Variants in ST6GALNAC5 observed in about 807,000 individuals in gnomAD.
The protein encoded by ST6GALNAC5 is ST6 N-acetylgalactosaminide alpha-2,6-sialyltransferase 5.
ST6GALNAC5 carries 27 observed loss-of-function variants against 33.6 expected under a neutral mutation model. The ratio of observed to expected loss-of-function variants is 0.80; its 90% confidence interval spans 0.59 to 1.11. The LOEUF (loss-of-function observed/expected upper bound fraction) is 1.11. Ranked by LOEUF, ST6GALNAC5 falls within the 50% of genes least tolerant of loss-of-function variation. The pLI is 0.00. For missense variants in ST6GALNAC5, 428 were observed against 454.0 expected (o/e 0.94, Z 0.52); for synonymous variants, 194 against 171.2 (o/e 1.13, Z -1.04).
intron 2 of ST6GALNAC5, among the ~76,000 whole-genome samples, chr1:76,908,132 C>G (rs558495866): frequency 6.6e-6 from 1 of 152,186 alleles, no homozygotes; most frequent in South Asian, 2.1e-4. Context: ...CTCTCAGGTT[C>G]TTATTTTTGT....
At chr1:76,959,983 TAGA>T (rs1353154170) in intron 2 of ST6GALNAC5, among the ~76,000 whole-genome samples, 2 of 152,094 alleles carry the variant, frequency 1.3e-5, no homozygotes, top group African/African-American at 2.4e-5. Flanking sequence ...CGGGAGTGGG[TAGA>T]AGAAGTATTA....
chr1:76,933,242 A>G (rs1647162629), intron 2 of ST6GALNAC5, among the ~76,000 whole-genome samples: 2 of 152,020 alleles, frequency 1.3e-5, no homozygotes, highest in Admixed American at 6.6e-5. Flanking sequence ...TAGTTACTAC[A>G]AAGGTCGACA....
intron 2 of ST6GALNAC5, among the ~76,000 whole-genome samples, chr1:76,957,697 G>A (rs1354119567): frequency 7.0e-6 from 1 of 142,574 alleles, no homozygotes; most frequent in African/African-American, 2.6e-5. Flanking sequence ...TCAGCTGCTG[G>A]TATCTATTAG....
At chr1:77,038,468 C>T (rs1557770379) in intron 2 of ST6GALNAC5, among the ~76,000 whole-genome samples, 1 of 152,230 alleles carries the variant, frequency 6.6e-6, no homozygotes, top group African/African-American at 2.4e-5. Flanking sequence ...TAACAGGCAG[C>T]TCCCAGAGCA....
chr1:76,978,716 C>T (rs369514471), intron 2 of ST6GALNAC5, among the ~76,000 whole-genome samples: 1 of 152,136 alleles, frequency 6.6e-6, no homozygotes, highest in East Asian at 1.9e-4. Context: ...AGACTTGAAA[C>T]AAGACAAGAA....
chr1:76,899,423 C>A (rs533633512), intron 2 of ST6GALNAC5, among the ~76,000 whole-genome samples: 1 of 151,420 alleles, frequency 6.6e-6, no homozygotes, highest in Admixed American at 6.6e-5. Context: ...AATAAGGGAT[C>A]GGGGCACAGA....
chr1:77,018,240 G>A (rs1007260794), intron 2 of ST6GALNAC5, among the ~76,000 whole-genome samples: 2 of 152,144 alleles, frequency 1.3e-5, no homozygotes, highest in East Asian at 1.9e-4. Context: ...TCACCATCAC[G>A]ATACCCCCAT....
chr1:76,877,784 A>G (rs1487230475), intron 2 of ST6GALNAC5, among the ~76,000 whole-genome samples: 1 of 152,238 alleles, frequency 6.6e-6, no homozygotes, highest in Non-Finnish European at 1.5e-5. Context: ...GAATAAGATT[A>G]TGACACAAAG....
intron 2 of ST6GALNAC5, among the ~76,000 whole-genome samples, chr1:76,952,635 T>C (rs1360989993): frequency 6.6e-6 from 1 of 152,124 alleles, no homozygotes; most frequent in Non-Finnish European, 1.5e-5. Context: ...TCATGTGTAT[T>C]GCAACATCAC....
intron 2 of ST6GALNAC5, among the ~76,000 whole-genome samples, chr1:76,906,470 G>C (rs1478475058): frequency 6.6e-6 from 1 of 152,134 alleles, no homozygotes; most frequent in Non-Finnish European, 1.5e-5. Context: ...TGAACTTCCT[G>C]ATCAGATAAT....
chr1:76,950,339 T>G (rs1174468160), intron 2 of ST6GALNAC5, among the ~76,000 whole-genome samples: 2 of 152,166 alleles, frequency 1.3e-5, no homozygotes, highest in African/African-American at 4.8e-5. Flanking sequence ...ATATTTATTT[T>G]ACATGTATAT....
At chr1:76,987,108 G>A (rs1175910859) in intron 2 of ST6GALNAC5, among the ~76,000 whole-genome samples, 1 of 152,104 alleles carries the variant, frequency 6.6e-6, no homozygotes, top group African/African-American at 2.4e-5. Flanking sequence ...CATGGCATGT[G>A]TATACCTATG....
At chr1:76,935,367 T>A (rs1023460448) in intron 2 of ST6GALNAC5, among the ~76,000 whole-genome samples, 11 of 152,074 alleles carry the variant, frequency 7.2e-5, no homozygotes, top group Non-Finnish European at 1.6e-4. Context: ...ATTCATTTTT[T>A]AAAAATCCCA....
In ST6GALNAC5 at chr1:76,867,535, T is replaced by C. The variant is rs2100903941; in HGVS notation, c.-141T>C. The C allele has an allele frequency of 1.5e-6, 2 of 1,345,970 alleles. No homozygotes were observed. The highest frequency in any genetic ancestry group is 2.1e-6 in the Non-Finnish European group (2 of 939,866). The allele number at this position is 1,345,970 out of a possible 1,614,324, so 83.4% of individuals were successfully genotyped here. A position where few individuals can be genotyped will look rare whatever the true frequency, so the allele number is the denominator to read the frequency against. On this transcript the variant is annotated 5_prime_UTR_variant, in exon 1 of 5. Coordinates refer to ENST00000477717, the MANE Select transcript of ST6GALNAC5 (RefSeq NM_030965.3). ...AGCCGCGCTTCCCGGGTCCCGCGGC[T>C]CCCGCGCGCGATCTGCCGCGGCCGG...
intron 2 of ST6GALNAC5, among the ~76,000 whole-genome samples, chr1:76,907,887 A>G (rs1646878822): frequency 6.6e-6 from 1 of 152,114 alleles, no homozygotes; most frequent in South Asian, 2.1e-4. Context: ...TCATGGTTTC[A>G]TATACTGTTA....
chr1:76,967,009 T>G (rs753348022), intron 2 of ST6GALNAC5, among the ~76,000 whole-genome samples: 1 of 152,240 alleles, frequency 6.6e-6, no homozygotes, highest in Non-Finnish European at 1.5e-5. Context: ...CAGTATTTTA[T>G]TGAGGATTTT....
intron 2 of ST6GALNAC5, among the ~76,000 whole-genome samples, chr1:76,999,410 C>A (rs1177543989): frequency 6.6e-6 from 1 of 151,400 alleles, no homozygotes; most frequent in African/African-American, 2.4e-5. Flanking sequence ...TGGTTTGGTA[C>A]AAACTTGCTC....
chr1:76,998,944 A>T (rs1650040117), intron 2 of ST6GALNAC5, among the ~76,000 whole-genome samples: 1 of 152,184 alleles, frequency 6.6e-6, no homozygotes, highest in African/African-American at 2.4e-5. Flanking sequence ...AAATTATTTT[A>T]GAATCATTTC....
intron 2 of ST6GALNAC5, among the ~76,000 whole-genome samples, chr1:76,889,628 T>C (rs898360248): frequency 3.9e-5 from 6 of 152,148 alleles, no homozygotes; most frequent in African/African-American, 9.6e-5. Context: ...TCTAAACTGT[T>C]GTTTCTTTAA....
Sources: gnomAD v4.1 joint callset for allele counts (sites outside exome capture counted in the v4.1 genomes callset) on GRCh38, gnomAD v4.1.1 for gene constraint, MANE v1.5 for transcripts, NCBI Gene and HGNC (gene_info 2026-07-23, HGNC 2026-07-21) for gene names.